Variants in INPP5B observed in about 807,000 individuals in gnomAD.
INPP5B encodes the protein type II inositol 1,4,5-trisphosphate 5-phosphatase.
In INPP5B, 90 loss-of-function variants were observed where a neutral mutation model predicts 118.5. The ratio of observed to expected loss-of-function variants is 0.76; its 90% confidence interval spans 0.64 to 0.90. The LOEUF is 0.90. Ranked by LOEUF, INPP5B falls within the 40% of genes least tolerant of loss-of-function variation. The pLI, the probability that INPP5B is intolerant of heterozygous loss-of-function variation, is 0.00. For missense variants in INPP5B, 984 were observed against 1,125.6 expected (o/e 0.87, Z 1.80); for synonymous variants, 385 against 418.9 (o/e 0.92, Z 0.99).
At chr1:37,891,227 CAAAA>C (rs71656437) in intron 8 of INPP5B, 127 bp downstream of exon 8, 103 of 430,408 alleles carry the variant, frequency 2.4e-4, no homozygotes, top group South Asian at 4.3e-4. Flanking sequence ...AACTCTGTCT[CAAAA>C]AAAAAAAAAA....
intron 23 of INPP5B, among the ~76,000 whole-genome samples, chr1:37,863,822 T>C (rs1446641981): frequency 6.7e-6 from 1 of 149,178 alleles, no homozygotes; most frequent in Non-Finnish European, 1.5e-5. Context: ...TATACTTTTT[T>C]TTTTTTTTTT....
Position 37,901,990 on chromosome 1 carries a change from A to AC in INPP5B, c.533-10537_533-10536insG, listed in dbSNP as rs547549183. On this transcript the variant is annotated intron_variant, in intron 7 of 23. Transcript: ENST00000373024. ...CACCAAGTCTTATGAATCCTCTATT[A>AC]AATTTTTTTTTTTTGAGGCAGAGTC... Among the ~76,000 whole-genome samples the AC allele has an allele frequency of 5.4e-4, 52 of 96,892 alleles. 1 individual carries two copies. The East Asian group carries it at 0.013, about 24-fold the overall frequency. 63.6% of individuals were successfully genotyped at this position (96,892 alleles called of 152,430 possible).
intron 7 of INPP5B, among the ~76,000 whole-genome samples, chr1:37,896,361 C>T (rs1307809282): frequency 1.3e-5 from 2 of 151,592 alleles, no homozygotes; most frequent in Non-Finnish European, 3.0e-5. Flanking sequence ...GCCCGGCAGC[C>T]GCCCCGTCTG....
intron 7 of INPP5B, among the ~76,000 whole-genome samples, chr1:37,922,361 C>A (rs180688415): frequency 1.3e-5 from 2 of 151,970 alleles, no homozygotes; most frequent in Admixed American, 6.6e-5. Context: ...TGCACTCCAG[C>A]CTGGGTGACA....
chr1:37,879,606 A>G (rs1167183485), intron 15 of INPP5B, among the ~76,000 whole-genome samples: 1 of 151,834 alleles, frequency 6.6e-6, no homozygotes, highest in Non-Finnish European at 1.5e-5. Flanking sequence ...TGTCTCTACA[A>G]AATTAGCTGG....
chr1:37,878,524 C>T (rs1642984813), intron 15 of INPP5B: 2 of 984,688 alleles, frequency 2.0e-6, no homozygotes, highest in Non-Finnish European at 2.4e-6. Flanking sequence ...ACCATGAAAG[C>T]TCAAAGCCAA....
chr1:37,941,532 T>C (rs1387034878), intron 5 of INPP5B, among the ~76,000 whole-genome samples: 1 of 151,884 alleles, frequency 6.6e-6, no homozygotes, highest in Non-Finnish European at 1.5e-5. Flanking sequence ...TCCCAGCTAC[T>C]TGGGAGGCTG....
intron 18 of INPP5B, chr1:37,873,524 G>A (rs531451618): frequency 3.3e-5 from 11 of 328,914 alleles, no homozygotes; most frequent in Non-Finnish European, 5.1e-5. Context: ...GAAGTGTAAC[G>A]CAATTATCGG....
chr1:37,880,099 G>A lies in INPP5B; in HGVS notation c.1527C>T (p.Asp509=), dbSNP rs765611992. The A allele has an allele frequency of 1.2e-5, 20 of 1,606,480 alleles. No homozygotes were observed. The highest frequency in any genetic ancestry group is 2.2e-5 in the South Asian group (2 of 90,414). ...CTCTGACCTACCTGGTATCCCAGTCGTCAGAGCCCGTATCATACTTGTAAG... is the reference window on the plus strand; with the variant it reads ...CTCTGACCTACCTGGTATCCCAGTCATCAGAGCCCGTATCATACTTGTAAG... ...QPTYKYDTGS[D]DWDTSEKCRA... The change falls in exon 15 of 24, where the codon GAC becomes GAT. Residue 509 remains aspartate (D), a synonymous_variant. Transcript: ENST00000373024.
At chr1:37,873,884 A>G in intron 18 of INPP5B, 109 bp downstream of exon 18, 1 of 777,942 alleles carries the variant, frequency 1.3e-6, no homozygotes, top group Non-Finnish European at 1.8e-6. Flanking sequence ...AAAAGCCTCA[A>G]GCAGAGAATA....
intron 7 of INPP5B, among the ~76,000 whole-genome samples, chr1:37,901,590 T>C (rs1015653376): frequency 3.9e-5 from 6 of 152,234 alleles, no homozygotes; most frequent in African/African-American, 1.4e-4. Flanking sequence ...GATGGGAAAA[T>C]GGCCCTGCAT....
At chr1:37,899,362 G>A (rs950364268) in intron 7 of INPP5B, among the ~76,000 whole-genome samples, 1 of 151,608 alleles carries the variant, frequency 6.6e-6, no homozygotes, top group Non-Finnish European at 1.5e-5. Flanking sequence ...TTGGGAGTTC[G>A]AGACCAGCCT....
chr1:37,866,500 T>G lies in INPP5B; in HGVS notation c.2345A>C (p.His782Pro), dbSNP rs753877714. The change falls in exon 21 of 24, where the codon CAT (histidine) becomes CCT (proline). Residue 782 changes from histidine to proline, a missense_variant. Physicochemically the swap from His to Pro is moderately conservative, Grantham distance 77. This residue lies in a region of INPP5B where 634 missense variants were observed against 791.0 expected (regional missense o/e 0.80). Transcript: ENST00000373024. ...QQPGLRSEFE[H>P]IRDCLDTGMI... ...TCCAGTATCCAAGCAGTCCCTGATA[T>G]GTTCAAATTCTGACCTCAGGCCTGG... The G allele has an allele frequency of 2.5e-6, 4 of 1,611,040 alleles. No homozygotes were observed. In the Admixed American group the frequency reaches 6.7e-5, roughly 27 times the overall value.
intron 7 of INPP5B, among the ~76,000 whole-genome samples, chr1:37,926,942 A>G (rs920943779): frequency 8.5e-5 from 13 of 152,174 alleles, no homozygotes; most frequent in African/African-American, 3.1e-4. Context: ...AGTTAACAGC[A>G]TCCCTGGTCA....
chr1:37,868,742 C>T (rs1642209197), intron 19 of INPP5B, 128 bp from the exon 20 acceptor site: 1 of 678,258 alleles, frequency 1.5e-6, no homozygotes, highest in Non-Finnish European at 2.7e-6. Flanking sequence ...ATTCCACAGA[C>T]AGAAATGAAA....
At chr1:37,925,648 A>G (rs1645200120) in intron 7 of INPP5B, among the ~76,000 whole-genome samples, 1 of 152,146 alleles carries the variant, frequency 6.6e-6, no homozygotes, top group African/African-American at 2.4e-5. Flanking sequence ...CTCTTCCTGA[A>G]CTGTCCCTCC....
intron 7 of INPP5B, among the ~76,000 whole-genome samples, chr1:37,915,689 G>T (rs536726636): frequency 7.2e-5 from 11 of 152,172 alleles, no homozygotes; most frequent in African/African-American, 2.7e-4. Flanking sequence ...AGTCTGGAAG[G>T]GTGCACAGCA....
At chr1:37,915,952 C>T (rs951878258) in intron 7 of INPP5B, among the ~76,000 whole-genome samples, 2 of 152,184 alleles carry the variant, frequency 1.3e-5, no homozygotes, top group East Asian at 3.8e-4. Context: ...GAGGGTATCC[C>T]TCACTGCATG....
At chr1:37,881,672 G>A (rs974553808) in intron 14 of INPP5B, among the ~76,000 whole-genome samples, 6 of 152,202 alleles carry the variant, frequency 3.9e-5, no homozygotes, top group African/African-American at 9.6e-5. Context: ...GACCAGAAAA[G>A]AAGGCAAGTA....
Sources: allele counts gnomAD v4.1 joint callset (sites outside exome capture counted in the v4.1 genomes callset), GRCh38; gene constraint gnomAD v4.1.1; regional missense constraint gnomAD v4.1.1; transcripts MANE v1.5; gene names NCBI Gene and HGNC (gene_info 2026-07-23, HGNC 2026-07-21).